The following PLXNA4 variants were observed in gnomAD, a reference collection of about 807,000 sequenced individuals.
PLXNA4 encodes the protein plexin-A4.
Under a neutral mutation model 191.8 loss-of-function variants are expected in PLXNA4, and 44 were observed. The ratio of observed to expected loss-of-function variants is 0.23; its 90% CI spans 0.18 to 0.29. PLXNA4 has a LOEUF of 0.29. Among genes scored for constraint, PLXNA4 ranks in the 10% least tolerant of loss-of-function variants. The probability of loss-of-function intolerance (pLI) is 1.00; values close to 1 mark genes in which losing one functional copy is unlikely to be tolerated. For missense variants in PLXNA4, 1,800 were observed against 2,488.8 expected (o/e 0.72, Z 5.89); for synonymous variants, 1,082 against 1,009.5 (o/e 1.07, Z -1.36).
At chr7:132,224,666 A>G (rs989880945) in intron 8 of PLXNA4, among the ~76,000 whole-genome samples, 1 of 152,182 alleles carries the variant, frequency 6.6e-6, no homozygotes, top group African/African-American at 2.4e-5. Context: ...GCTTCCCCAG[A>G]GGGGAAAGTG....
intron 1 of PLXNA4, among the ~76,000 whole-genome samples, chr7:132,569,620 T>C (rs754069): frequency 0.038 from 5,819 of 152,344 alleles, 262 homozygotes; most frequent in African/African-American, 0.1. Flanking sequence ...AAAATGATTT[T>C]TCCCAAAATG....
intron 3 of PLXNA4, among the ~76,000 whole-genome samples, chr7:132,342,718 G>A (rs534346177): frequency 1.3e-5 from 2 of 152,172 alleles, no homozygotes; most frequent in South Asian, 4.2e-4. Context: ...AGGCTGAGGT[G>A]GGTAGATCAC....
chr7:132,174,297 G>A (rs1314823690), intron 21 of PLXNA4, among the ~76,000 whole-genome samples: 1 of 152,026 alleles, frequency 6.6e-6, no homozygotes, highest in Non-Finnish European at 1.5e-5. Flanking sequence ...TAGAAGAGAG[G>A]GTTATGATTT....
At chr7:132,347,290 C>T (rs2116780023) in intron 3 of PLXNA4, among the ~76,000 whole-genome samples, 1 of 152,224 alleles carries the variant, frequency 6.6e-6, no homozygotes, top group South Asian at 2.1e-4. Context: ...GCTCAAGGGC[C>T]CATATGAGGC....
intron 3 of PLXNA4, among the ~76,000 whole-genome samples, chr7:132,388,309 T>C (rs982889076): frequency 6.6e-6 from 1 of 152,010 alleles, no homozygotes; most frequent in Non-Finnish European, 1.5e-5. Flanking sequence ...CCCAAATCAC[T>C]AAAACACAGA....
intron 4 of PLXNA4, among the ~76,000 whole-genome samples, chr7:132,281,433 C>A (rs79632368): frequency 6.6e-6 from 1 of 152,058 alleles, no homozygotes; most frequent in Non-Finnish European, 1.5e-5. Context: ...TATTTTTTAA[C>A]AAAGGGGTCA....
intron 3 of PLXNA4, among the ~76,000 whole-genome samples, chr7:132,438,185 G>T (rs1400305896): frequency 2.0e-5 from 3 of 152,166 alleles, no homozygotes; most frequent in Non-Finnish European, 2.9e-5. Flanking sequence ...GTTAAAGGTT[G>T]GTTAGGACCA....
chr7:132,373,653 C>T (rs748287273), intron 3 of PLXNA4, among the ~76,000 whole-genome samples: 10 of 152,174 alleles, frequency 6.6e-5, no homozygotes, highest in Non-Finnish European at 1.0e-4. Context: ...CCTGGGCCTT[C>T]ACTGTGAGGA....
chr7:132,494,916 A>T (rs1032360362), intron 2 of PLXNA4, among the ~76,000 whole-genome samples: 1 of 152,162 alleles, frequency 6.6e-6, no homozygotes, highest in African/African-American at 2.4e-5. Context: ...AGTGCCTGGT[A>T]GTCTCTGTGG....
intron 4 of PLXNA4, among the ~76,000 whole-genome samples, chr7:132,253,909 A>G (rs866242034): frequency 6.6e-6 from 1 of 152,204 alleles, no homozygotes; most frequent in African/African-American, 2.4e-5. Context: ...CTATGTGTGC[A>G]TCAGTTTAGT....
chr7:132,215,713 A>G (rs1797942604), intron 9 of PLXNA4, among the ~76,000 whole-genome samples: 1 of 152,052 alleles, frequency 6.6e-6, no homozygotes, highest in Admixed American at 6.6e-5. Flanking sequence ...AATCATGCCT[A>G]TGTAAATCAG....
At chr7:132,548,599 A>G (rs1344754708) in intron 1 of PLXNA4, among the ~76,000 whole-genome samples, 1 of 152,242 alleles carries the variant, frequency 6.6e-6, no homozygotes, top group Non-Finnish European at 1.5e-5. Context: ...AAACATTCCA[A>G]TAAATACCCA....
chr7:132,216,780 C>T (rs1797976140), intron 9 of PLXNA4, among the ~76,000 whole-genome samples: 1 of 152,218 alleles, frequency 6.6e-6, no homozygotes. Context: ...ACAGTATTTT[C>T]ACCCAATCAC....
intron 3 of PLXNA4, among the ~76,000 whole-genome samples, chr7:132,393,251 T>C (rs1793595332): frequency 6.5e-5 from 1 of 15,336 alleles, no homozygotes; most frequent in African/African-American, 2.9e-4. Context: ...ACTCTCCCAC[T>C]CCCCATTCTA....
chr7:132,643,529 C>T (rs1803795254), intron 2 of PLXNA4, among the ~76,000 whole-genome samples: 1 of 152,002 alleles, frequency 6.6e-6, no homozygotes, highest in Admixed American at 6.6e-5. Context: ...TCTCAGAGGC[C>T]GCATTAGAAC....
intron 3 of PLXNA4, among the ~76,000 whole-genome samples, chr7:132,450,786 A>G (rs1246956118): frequency 1.3e-5 from 2 of 152,146 alleles, no homozygotes; most frequent in Non-Finnish European, 2.9e-5. Context: ...GAGATTCTGG[A>G]GTATTTCTGT....
At chr7:132,274,534 C>A (rs1323477387) in intron 4 of PLXNA4, among the ~76,000 whole-genome samples, 1 of 152,032 alleles carries the variant, frequency 6.6e-6, no homozygotes, top group Admixed American at 6.6e-5. Flanking sequence ...CCAGGGTCCC[C>A]CATTCCATTT....
intron 25 of PLXNA4, 143 bp from the exon 26 acceptor site, chr7:132,148,789 G>A (rs1405885260): frequency 1.5e-6 from 2 of 1,332,616 alleles, no homozygotes; most frequent in African/African-American, 3.0e-5. Flanking sequence ...CGAAAATGGA[G>A]TGCCAAAGCT....
chr7:132,414,036 C>T (rs918709047), intron 3 of PLXNA4, among the ~76,000 whole-genome samples: 5 of 152,202 alleles, frequency 3.3e-5, no homozygotes, highest in African/African-American at 4.8e-5. Flanking sequence ...GGCCTAGACA[C>T]GACTACACAT....
Sources: allele counts gnomAD v4.1 joint callset (sites outside exome capture counted in the v4.1 genomes callset), GRCh38; gene constraint gnomAD v4.1.1; transcripts MANE v1.5; gene names NCBI Gene and HGNC (gene_info 2026-07-23, HGNC 2026-07-21).